The following NOX4 variants were observed in gnomAD, a reference collection of about 807,000 sequenced individuals.
NOX4 encodes kidney oxidase-1.
In NOX4, 69 loss-of-function variants were observed where a neutral mutation model predicts 87.6. That is an observed-to-expected ratio of 0.79 (90% CI 0.65 to 0.96). The LOEUF (loss-of-function observed/expected upper bound fraction) is 0.96. NOX4 is among the 40% of genes least tolerant of loss of function. NOX4 has a pLI of 0.00. For synonymous variants in NOX4, 275 were observed against 238.2 expected, an observed-to-expected ratio of 1.15 and a Z score of -1.42; for missense variants, 680 against 681.5, an observed-to-expected ratio of 1.00 and a Z score of 0.02.
chr11:89,587,699 TA>T, the NOX4 span, among the ~76,000 whole-genome samples: 1 of 152,186 alleles, frequency 6.6e-6, no homozygotes, highest in African/African-American at 2.4e-5. Context: ...TTATAATAGT[TA>T]AAAATGGTTT....
At chr11:89,373,620 T>C in intron 11 of NOX4, 128 bp from the exon 12 acceptor site, 5 of 607,018 alleles carry the variant, frequency 8.2e-6, no homozygotes, top group Non-Finnish European at 3.0e-6. Flanking sequence ...CAGACTAAAA[T>C]CTATACAGAT....
intron 11 of NOX4, among the ~76,000 whole-genome samples, chr11:89,387,663 A>T (rs1940811580): frequency 6.6e-6 from 1 of 152,182 alleles, no homozygotes; most frequent in South Asian, 2.1e-4. Flanking sequence ...TATTTCCATA[A>T]TTGAGAATCC....
At chr11:89,456,408 C>T (rs958169414) in intron 2 of NOX4, among the ~76,000 whole-genome samples, 7 of 151,958 alleles carry the variant, frequency 4.6e-5, no homozygotes, top group African/African-American at 1.7e-4. Context: ...TAGGACAAGA[C>T]CCAAGATGGC....
chr11:89,583,213 G>C, the NOX4 span, among the ~76,000 whole-genome samples: 1 of 151,866 alleles, frequency 6.6e-6, no homozygotes, highest in African/African-American at 2.4e-5. Flanking sequence ...GGAGAAATAA[G>C]AGAGGAATTT....
chr11:89,524,091 A>G, the NOX4 span, among the ~76,000 whole-genome samples: 2 of 152,178 alleles, frequency 1.3e-5, no homozygotes, highest in Non-Finnish European at 2.9e-5. Context: ...ATGGATATAC[A>G]AATCTGTCAA....
intron 2 of NOX4, among the ~76,000 whole-genome samples, chr11:89,478,649 A>C (rs1004470016): frequency 6.6e-6 from 1 of 152,168 alleles, no homozygotes; most frequent in African/African-American, 2.4e-5. Flanking sequence ...ACTGAACAAA[A>C]TGTATTTTCT....
chr11:89,587,612 C>T, the NOX4 span, among the ~76,000 whole-genome samples: 2 of 151,850 alleles, frequency 1.3e-5, no homozygotes, highest in Non-Finnish European at 2.9e-5. Context: ...CTCAAACAGG[C>T]CATAAACCAA....
intron 2 of NOX4, among the ~76,000 whole-genome samples, chr11:89,470,294 C>T (rs1591334939): frequency 6.6e-6 from 1 of 152,092 alleles, no homozygotes; most frequent in South Asian, 2.1e-4. Context: ...CTCCAGGCTG[C>T]CTTTCCAGCC....
At chr11:89,439,801 T>G (rs1332386903) in intron 6 of NOX4, among the ~76,000 whole-genome samples, 2 of 152,110 alleles carry the variant, frequency 1.3e-5, no homozygotes, top group African/African-American at 2.4e-5. Flanking sequence ...AAATTAATAG[T>G]CTAGACTGAG....
At chr11:89,444,299 C>A in intron 4 of NOX4, 67 bp from the exon 5 acceptor site, 1 of 1,287,090 alleles carries the variant, frequency 7.8e-7, no homozygotes. Context: ...GGACTCAGTT[C>A]TTCCTCTCCC....
At chr11:89,379,434 C>T (rs568703579) in intron 11 of NOX4, among the ~76,000 whole-genome samples, 22 of 152,070 alleles carry the variant, frequency 1.4e-4, no homozygotes, top group African/African-American at 3.4e-4. Context: ...ATTCACTTTG[C>T]TCTGATCACC....
chr11:89,454,036 C>A (rs1488474868), intron 2 of NOX4, among the ~76,000 whole-genome samples: 1 of 152,000 alleles, frequency 6.6e-6, no homozygotes, highest in Non-Finnish European at 1.5e-5. Context: ...AAAGAAAGCC[C>A]AGGTATAAAT....
chr11:89,468,315 A>C (rs10765204), intron 2 of NOX4, among the ~76,000 whole-genome samples: 22,950 of 152,120 alleles, frequency 0.15, 2,381 homozygotes, highest in African/African-American at 0.28. Context: ...AATTTCCTAA[A>C]TCAATCTTGC....
the NOX4 span, among the ~76,000 whole-genome samples, chr11:89,506,480 A>G: frequency 2.0e-5 from 3 of 151,776 alleles, no homozygotes; most frequent in African/African-American, 7.2e-5. Context: ...ACTATAAAAT[A>G]CCTAGAAATA....
chr11:89,476,417 A>T (rs752985072), intron 2 of NOX4, among the ~76,000 whole-genome samples: 1 of 152,102 alleles, frequency 6.6e-6, no homozygotes, highest in Non-Finnish European at 1.5e-5. Flanking sequence ...ACATCACACA[A>T]TATACTTTAG....
At chr11:89,444,424 AAGG>A (rs1341010221) in intron 4 of NOX4, among the ~76,000 whole-genome samples, 192 bp from the exon 5 acceptor site, 5 of 151,744 alleles carry the variant, frequency 3.3e-5, no homozygotes, top group Admixed American at 6.6e-5. Context: ...CAAATTTTCA[AAGG>A]CTGTAATGAA....
chr11:89,420,642 C>T (rs1295255538), intron 8 of NOX4, among the ~76,000 whole-genome samples: 1 of 151,862 alleles, frequency 6.6e-6, no homozygotes, highest in Non-Finnish European at 1.5e-5. Flanking sequence ...GAATATGTAC[C>T]CTGAAATAAA....
At chr11:89,527,130 T>C in the NOX4 span, among the ~76,000 whole-genome samples, 1 of 152,158 alleles carries the variant, frequency 6.6e-6, no homozygotes, top group Non-Finnish European at 1.5e-5. Context: ...ACGCTAGAAA[T>C]ATGTGGAACT....
At chr11:89,581,937 C>A in the NOX4 span, among the ~76,000 whole-genome samples, 1 of 152,132 alleles carries the variant, frequency 6.6e-6, no homozygotes, top group Admixed American at 6.6e-5. Context: ...TTGTTAACCA[C>A]AGGCCATACA....
Sources: gnomAD v4.1 joint callset for allele counts (sites outside exome capture counted in the v4.1 genomes callset) on GRCh38, gnomAD v4.1.1 for gene constraint, MANE v1.5 for transcripts, NCBI Gene and HGNC (gene_info 2026-07-23, HGNC 2026-07-21) for gene names.